Variants in PRAMEF6 observed in about 807,000 individuals in gnomAD.
PRAMEF6 encodes PRAME family member 6.
For synonymous variants in PRAMEF6, 8 were observed against 134.4 expected, an observed-to-expected ratio of 0.06 and a Z score of 6.51; for missense variants, 29 against 349.2, an observed-to-expected ratio of 0.08 and a Z score of 7.31.
At chr1:12,939,990 T>A (rs1186379765) in intron 3 of PRAMEF6, among the ~76,000 whole-genome samples, 1 of 6,196 alleles carries the variant, frequency 1.6e-4, no homozygotes, top group Non-Finnish European at 3.2e-4. Flanking sequence ...TTGTGCCTGC[T>A]CCCTGACCCT....
intron 2 of PRAMEF6, among the ~76,000 whole-genome samples, chr1:12,941,839 A>G (rs1641724699): frequency 2.1e-5 from 2 of 95,878 alleles, no homozygotes; most frequent in African/African-American, 6.2e-5. Flanking sequence ...TCCTGCCTCA[A>G]CCTCACAAGT....
At chr1:12,939,724 A>G (rs1641697600) in intron 3 of PRAMEF6, among the ~76,000 whole-genome samples, 3 of 113,306 alleles carry the variant, frequency 2.6e-5, no homozygotes. Context: ...AAAAGGAGAA[A>G]AAAATAATTC....
rs1553172964 is a variant in PRAMEF6, at chr1:12,938,478, C to A, written c.*197G>T. The stretch of plus-strand genomic sequence containing the variant: ...TTTCCACTCTACAGGACACAGGTCC[C>A]CAAAGTCCCATCGAATCCATGGCAA... On this transcript the variant is annotated 3_prime_UTR_variant, in exon 4 of 4. Transcript: ENST00000376189. 1.8e-6 allele frequency: 1 copy of A among 551,864 alleles called. No homozygotes were observed. Among genetic ancestry groups the A allele is most frequent in the East Asian group, 3.3e-5 (1 of 30,092 alleles). The allele number at this position is 551,864 out of a possible 1,614,324, so 34.2% of individuals were successfully genotyped here.
intron 1 of PRAMEF6, among the ~76,000 whole-genome samples, chr1:12,943,155 CTCTT>C (rs1483424731): frequency 2.4e-4 from 18 of 75,636 alleles, no homozygotes; most frequent in African/African-American, 1.2e-3. Context: ...CATTCTCTCT[CTCTT>C]TCTCTCTCTC....
chr1:12,943,065 T>C (rs28685298), intron 1 of PRAMEF6, among the ~76,000 whole-genome samples: 3 of 147,364 alleles, frequency 2.0e-5, no homozygotes, highest in African/African-American at 5.1e-5. Context: ...CTTTCTTTCC[T>C]CCTCTCTCTC....
chr1:12,943,077 CTCTT>C (rs201873596), intron 1 of PRAMEF6, among the ~76,000 whole-genome samples: 17,284 of 138,202 alleles, frequency 0.13, 19 homozygotes, highest in Middle Eastern at 0.14. Context: ...CTCTCTCTCC[CTCTT>C]TCTTTCTTTC....
Position 12,941,706 on chromosome 1 carries a change from C to T in PRAMEF6, c.288-141G>A, listed in dbSNP as rs1641721843. On this transcript the variant is annotated intron_variant, in intron 2 of 3. Transcript: ENST00000376189. ...CTTCACCCTGTTTTCCCCTTGGATC[C>T]TGCCCACTTCCACATTTTTTTGTTT... The T allele has an allele frequency of 1.3e-5, 13 of 969,592 alleles. 1 individual carries two copies. The highest frequency in any genetic ancestry group is 5.4e-5 in the South Asian group (3 of 55,152). The allele number at this position is 969,592 out of a possible 1,614,324, so 60.1% of individuals were successfully genotyped here.
At chr1:12,941,767 C>T (rs1217826127) in intron 2 of PRAMEF6, among the ~76,000 whole-genome samples, 1 of 113,846 alleles carries the variant, frequency 8.8e-6, no homozygotes. Flanking sequence ...GTCACCCAGG[C>T]TGGAGTGCAG....
At chr1:12,945,980 CAA>C (rs75584700) in intron 1 of PRAMEF6, among the ~76,000 whole-genome samples, 550 of 4,132 alleles carry the variant, frequency 0.13, no homozygotes, top group African/African-American at 0.15. Flanking sequence ...AGGCTAGATT[CAA>C]AAAAAAAAAA....
Position 12,938,507 on chromosome 1 carries a change from T to C in PRAMEF6, c.*168A>G. ...AGTCCCATCGAATCCATGGCAACACTTCCCCCAAGTCCTGCCCCTGCTTGA... is the reference window on the plus strand; with the variant it reads ...AGTCCCATCGAATCCATGGCAACACCTCCCCCAAGTCCTGCCCCTGCTTGA... On this transcript the variant is annotated 3_prime_UTR_variant, in exon 4 of 4. Transcript: ENST00000376189. 3 of 760,540 alleles carry C rather than the reference T, an allele frequency of 3.9e-6. 1 individual carries two copies. The allele number at this position is 760,540 out of a possible 1,614,324, so 47.1% of individuals were successfully genotyped here. A position where few individuals can be genotyped will look rare whatever the true frequency, so the allele number is the denominator to read the frequency against.
At position 12,943,146 on chromosome 1, in the gene PRAMEF6, ATTCTCTCTCTCT is replaced by A. The variant is rs1220973786; in HGVS notation, c.-22-618_-22-607del. On this transcript the variant is annotated intron_variant, in intron 1 of 3. Coordinates refer to ENST00000376189, the MANE Select transcript of PRAMEF6 (RefSeq NM_001010889.2). Reference sequence around the variant, plus strand: ...CTTCTTTCCCTGCATCCCTTCTCTCATTCTCTCTCTCTTTCTCTCTCTCCCTCTCTCACTCTT... The same window carrying A: ...CTTCTTTCCCTGCATCCCTTCTCTCATTCTCTCTCTCCCTCTCTCACTCTT... Among the ~76,000 whole-genome samples, 142 of 73,758 alleles carry A rather than the reference ATTCTCTCTCTCT, an allele frequency of 1.9e-3. 1 individual carries two copies. The highest frequency in any genetic ancestry group is 9.3e-3 in the African/African-American group (135 of 14,518). 48.4% of individuals were successfully genotyped at this position (73,758 alleles called of 152,430 possible).
intron 3 of PRAMEF6, among the ~76,000 whole-genome samples, chr1:12,939,667 A>G (rs1399902579): frequency 9.4e-6 from 1 of 106,018 alleles, no homozygotes; most frequent in East Asian, 2.4e-4. Flanking sequence ...AGATCATGCC[A>G]CTACACTCCA....
chr1:12,939,743 G>T (rs1159402298), intron 3 of PRAMEF6, among the ~76,000 whole-genome samples: 2 of 101,492 alleles, frequency 2.0e-5, no homozygotes, highest in Non-Finnish European at 3.9e-5. Context: ...TCCATTTGAG[G>T]CTGAGTCACT....
rs1340453284 is a variant in PRAMEF6, at chr1:12,947,519, G to A, written c.-25C>T. The A allele has an allele frequency of 2.7e-5, 4 of 150,746 alleles. No homozygotes were observed. The highest frequency in any genetic ancestry group is 7.3e-5 in the African/African-American group (3 of 41,288). 9.3% of individuals were successfully genotyped at this position (150,746 alleles called of 1,614,324 possible). A position where few individuals can be genotyped will look rare whatever the true frequency, so the allele number is the denominator to read the frequency against. On this transcript the variant is annotated splice_region_variant and 5_prime_UTR_variant, in exon 1 of 4. Transcript: ENST00000376189. ...CCTTACAGAAATTAGTGGCTTACCAGATCTGGATGTAGTCTAGAAGGTGCT... is the reference window on the plus strand; with the variant it reads ...CCTTACAGAAATTAGTGGCTTACCAAATCTGGATGTAGTCTAGAAGGTGCT...
At chr1:12,941,924 T>A (rs1184325347) in intron 2 of PRAMEF6, among the ~76,000 whole-genome samples, 2 of 47,668 alleles carry the variant, frequency 4.2e-5, no homozygotes, top group Admixed American at 2.2e-4. Context: ...TTTACCATGT[T>A]GGACAGGCTG....
At chr1:12,943,093 CCCT>C (rs1227176986) in intron 1 of PRAMEF6, among the ~76,000 whole-genome samples, 9 of 144,354 alleles carry the variant, frequency 6.2e-5, no homozygotes, top group African/African-American at 2.4e-4. Context: ...CTTTCTTTCC[CCCT>C]CTCTCTGCCT....
rs1641690852 is a variant in PRAMEF6, at chr1:12,939,377, G to A, written c.870-141C>T. 4.6e-6 allele frequency: 5 copies of A among 1,091,798 alleles called. No individual in the cohort carries two copies. In the South Asian group the frequency reaches 6.3e-5, roughly 14 times the overall value. 67.6% of individuals were successfully genotyped at this position (1,091,798 alleles called of 1,614,324 possible). A position where few individuals can be genotyped will look rare whatever the true frequency, so the allele number is the denominator to read the frequency against. ...CTGATGGCCTGATGGTCAACACTTA[G>A]GATGATGTGTGATGAAGAGTTTTGC... On this transcript the variant is annotated intron_variant, in intron 3 of 3. Transcript: ENST00000376189.
chr1:12,942,095 G>A (rs2100494556), intron 2 of PRAMEF6, 137 bp downstream of exon 2: 1 of 20,574 alleles, frequency 4.9e-5, no homozygotes, highest in Non-Finnish European at 8.9e-5. Context: ...CTTTCCCTGA[G>A]GAGCTGGTGA....
rs1262635574 is a variant in PRAMEF6 at position 12,938,840 on chromosome 1, A to T, written c.1266T>A (p.Ala422=). The change falls in exon 4 of 4, where the codon GCT becomes GCA. Residue 422 remains alanine, a synonymous_variant. Coordinates refer to ENST00000376189, the MANE Select transcript of PRAMEF6 (RefSeq NM_001010889.2). ...ATCTGCTCCAGCAGAGAGTACCATCAGCATCATAACTCTCCCGGGGGGCAG... is the reference window on the plus strand; with the variant it reads ...ATCTGCTCCAGCAGAGAGTACCATCTGCATCATAACTCTCCCGGGGGGCAG... ...LYPAPRESYD[A]DGTLCWSRFA... The T allele has an allele frequency of 6.2e-7, 1 of 1,612,482 alleles. No homozygotes were observed. Among genetic ancestry groups the T allele is most frequent in the Non-Finnish European group, 8.5e-7 (1 of 1,179,412 alleles).
Sources: allele counts gnomAD v4.1 joint callset (sites outside exome capture counted in the v4.1 genomes callset), GRCh38; gene constraint gnomAD v4.1.1; transcripts MANE v1.5; gene names NCBI Gene and HGNC (gene_info 2026-07-23, HGNC 2026-07-21).